Variants in NRG4 observed in about 807,000 individuals in gnomAD.
NRG4 encodes neuregulin 4, also known as pro-neuregulin-4, membrane-bound isoform.
In NRG4, 10 loss-of-function variants were observed where a neutral mutation model predicts 15.0. The observed-to-expected ratio is 0.67, with a 90% CI of 0.41 to 1.13. NRG4 has a LOEUF of 1.13. Ranked by LOEUF, NRG4 falls within the 50% of genes most tolerant of loss-of-function variation. The pLI, the probability that NRG4 is intolerant of heterozygous loss-of-function variation, is 0.00. For synonymous variants in NRG4, 41 were observed against 50.1 expected (o/e 0.82, Z 0.77); for missense variants, 139 against 140.2 (o/e 0.99, Z 0.04).
At chr15:76,010,871 T>A (rs911996287) in intron 2 of NRG4, among the ~76,000 whole-genome samples, 1 of 152,140 alleles carries the variant, frequency 6.6e-6, no homozygotes, top group Non-Finnish European at 1.5e-5. Context: ...TGGCATTTAT[T>A]TTATCAATAA....
chr15:75,958,798 G>C (rs913584065), intron 4 of NRG4, among the ~76,000 whole-genome samples: 1 of 152,060 alleles, frequency 6.6e-6, no homozygotes, highest in African/African-American at 2.4e-5. Flanking sequence ...ATATTTCTAA[G>C]TTCTGGCACA....
chr15:76,051,117 T>C (rs1596065392), intron 4 of NRG4, among the ~76,000 whole-genome samples: 1 of 148,172 alleles, frequency 6.7e-6, no homozygotes, highest in African/African-American at 2.5e-5. Context: ...GCCATTCTCC[T>C]GCCTCAGCCT....
intron 4 of NRG4, among the ~76,000 whole-genome samples, chr15:76,042,290 A>G (rs2035760818): frequency 6.6e-6 from 1 of 152,102 alleles, no homozygotes. Context: ...GCAAAAGCAA[A>G]CCAAACCCAA....
At chr15:76,007,430 T>G (rs1238660277) in intron 3 of NRG4, among the ~76,000 whole-genome samples, 1 of 148,854 alleles carries the variant, frequency 6.7e-6, no homozygotes, top group African/African-American at 2.5e-5. Context: ...AAACGCACTT[T>G]TTTTTTTTTT....
upstream of NRG4, among the ~76,000 whole-genome samples, chr15:76,016,893 T>A (rs186191334): frequency 3.4e-3 from 523 of 152,232 alleles, 2 homozygotes; most frequent in African/African-American, 0.012. Context: ...TCCTTAATTT[T>A]CTTTCTTGTT....
chr15:75,983,843 T>A (rs1235442216), intron 3 of NRG4, among the ~76,000 whole-genome samples: 1 of 152,120 alleles, frequency 6.6e-6, no homozygotes, highest in Non-Finnish European at 1.5e-5. Flanking sequence ...TAGATTCAAC[T>A]TTATAAACAT....
intron 4 of NRG4, among the ~76,000 whole-genome samples, chr15:76,041,859 C>T (rs547332306): frequency 6.6e-6 from 1 of 152,046 alleles, no homozygotes; most frequent in Non-Finnish European, 1.5e-5. Context: ...ACATTTAATC[C>T]AACAGCTACA....
chr15:75,972,201 C>G (rs2033128892), intron 3 of NRG4, among the ~76,000 whole-genome samples: 1 of 152,102 alleles, frequency 6.6e-6, no homozygotes, highest in Admixed American at 6.5e-5. Context: ...TCTTTGCCCA[C>G]TTTTTGATGG....
Position 75,943,780 on chromosome 15 carries a change from G to A in NRG4, c.332-126C>T, listed in dbSNP as rs1225082040. 9 of 639,092 alleles carry A rather than the reference G, an allele frequency of 1.4e-5. No individual in the cohort carries two copies. In the Admixed American group the frequency reaches 1.5e-4, roughly 11 times the overall value. 39.6% of individuals were successfully genotyped at this position (639,092 alleles called of 1,614,324 possible). Reference sequence around the variant, plus strand: ...CAACCCCTTCTGTTTGTGATAGGATGTGTTGAGGTAAACTAACCTAGAATA... The same window carrying A: ...CAACCCCTTCTGTTTGTGATAGGATATGTTGAGGTAAACTAACCTAGAATA... On this transcript the variant is annotated intron_variant, in intron 5 of 5. Coordinates refer to ENST00000394907, the MANE Select transcript of NRG4 (RefSeq NM_138573.4).
upstream of NRG4, among the ~76,000 whole-genome samples, chr15:76,016,077 G>C (rs1317333181): frequency 3.3e-5 from 5 of 152,154 alleles, no homozygotes; most frequent in African/African-American, 1.2e-4. Context: ...AGTGTTGGGA[G>C]GGGGTATGTG....
At chr15:76,008,383 T>G (rs1431693391) in intron 3 of NRG4, among the ~76,000 whole-genome samples, 1 of 152,218 alleles carries the variant, frequency 6.6e-6, no homozygotes, top group African/African-American at 2.4e-5. Context: ...CCTATGGATT[T>G]TACTTTTCTA....
rs543711233 is a variant in NRG4, at chr15:75,943,193, GT to G, written c.*444del. The G allele has an allele frequency of 4.6e-4, 72 of 156,452 alleles. No individual in the cohort carries two copies. Among genetic ancestry groups the G allele is most frequent in the Non-Finnish European group, 7.9e-4 (56 of 71,032 alleles). 9.7% of individuals were successfully genotyped at this position (156,452 alleles called of 1,614,324 possible). ...AATTGCCAGGTGAAATGTCTTCTCA[GT>G]TTTTTCATCAGTACTTGCAGCTTCT... is the stretch of plus-strand genomic sequence containing the variant. On this transcript the variant is annotated 3_prime_UTR_variant, in exon 6 of 6. Transcript: ENST00000394907.
chr15:76,048,152 C>CAAA (rs113391379), intron 4 of NRG4, among the ~76,000 whole-genome samples: 1 of 68,760 alleles, frequency 1.5e-5, no homozygotes. Context: ...AACCCTGTTT[C>CAAA]AAAAAAAAAA....
At chr15:75,944,447 C>T (rs1394839012) in intron 5 of NRG4, among the ~76,000 whole-genome samples, 1 of 152,116 alleles carries the variant, frequency 6.6e-6, no homozygotes, top group Non-Finnish European at 1.5e-5. Context: ...GCTAAGACTT[C>T]AGGCTGTGGA....
chr15:76,043,172 T>C (rs1186652582), intron 4 of NRG4, among the ~76,000 whole-genome samples: 1 of 152,192 alleles, frequency 6.6e-6, no homozygotes, highest in Non-Finnish European at 1.5e-5. Context: ...AAGCTATATA[T>C]GACAGACCCA....
intron 4 of NRG4, among the ~76,000 whole-genome samples, chr15:76,047,481 G>C (rs1011725101): frequency 1.3e-5 from 2 of 150,836 alleles, no homozygotes; most frequent in African/African-American, 5.0e-5. Context: ...CAACATAGAT[G>C]AATCTGGAGG....
At chr15:76,007,911 T>C (rs1313458584) in intron 3 of NRG4, among the ~76,000 whole-genome samples, 1 of 152,186 alleles carries the variant, frequency 6.6e-6, no homozygotes, top group Non-Finnish European at 1.5e-5. Context: ...TAATTTCTCA[T>C]TTTCCCCTTT....
chr15:76,000,871 A>T (rs1167760608), intron 3 of NRG4, among the ~76,000 whole-genome samples: 1 of 152,240 alleles, frequency 6.6e-6, no homozygotes, highest in Non-Finnish European at 1.5e-5. Context: ...GGGAAGCCAT[A>T]TATTAAAATG....
At chr15:75,938,783 A>G (rs2030639212), downstream of NRG4, 1 of 152,192 alleles carries the variant, frequency 6.6e-6, no homozygotes, top group Admixed American at 6.5e-5. Flanking sequence ...GATATGGTGC[A>G]TTTTTGAACC....
Sources: gnomAD v4.1 joint callset for allele counts (sites outside exome capture counted in the v4.1 genomes callset) on GRCh38, gnomAD v4.1.1 for gene constraint, MANE v1.5 for transcripts, NCBI Gene and HGNC (gene_info 2026-07-23, HGNC 2026-07-21) for gene names.